GPC6: variants seen among roughly 807,000 people sequenced by gnomAD.
GPC6 encodes glypican-6.
Under a neutral mutation model 55.2 loss-of-function variants are expected in GPC6, and 14 were observed. The observed-to-expected ratio is 0.25, with a 90% confidence interval of 0.17 to 0.40. GPC6 has a LOEUF of 0.40. Ranked by LOEUF, GPC6 falls within the 10% of genes least tolerant of loss-of-function variation. The probability of loss-of-function intolerance (pLI) is 1.00; values close to 1 mark genes in which losing one functional copy is unlikely to be tolerated. For missense variants in GPC6, 641 were observed against 708.5 expected, an observed-to-expected ratio of 0.90 and a Z score of 1.08; for synonymous variants, 278 against 259.6, an observed-to-expected ratio of 1.07 and a Z score of -0.68.
At chr13:93,946,013 G>A (rs901979375) in intron 3 of GPC6, among the ~76,000 whole-genome samples, 2 of 152,066 alleles carry the variant, frequency 1.3e-5, no homozygotes, top group African/African-American at 4.8e-5. Context: ...AAGTGAATCT[G>A]CATTAATAAC....
Position 93,917,722 on chromosome 13 carries a change from G to A in GPC6, c.711+87177G>A, listed in dbSNP as rs537089430. ...GCCTGGCTTTGGAATGAAAGGTGTG[G>A]GTGCGACCCCAGCCACATGAGAACC... On this transcript the variant is annotated intron_variant, in intron 3 of 8. Transcript: ENST00000377047. 1.4e-4 allele frequency among the ~76,000 whole-genome samples: 21 copies of A among 152,284 alleles called. 1 individual carries two copies. The South Asian group carries it at 2.9e-3, about 21-fold the overall frequency.
intron 2 of GPC6, among the ~76,000 whole-genome samples, chr13:93,611,443 A>C (rs957272718): frequency 2.0e-5 from 3 of 152,178 alleles, no homozygotes; most frequent in African/African-American, 7.2e-5. Context: ...TATTTTCCAT[A>C]TTGTAGTACA....
At chr13:93,532,494 T>G (rs1881905938) in intron 1 of GPC6, among the ~76,000 whole-genome samples, 2 of 152,128 alleles carry the variant, frequency 1.3e-5, no homozygotes, top group African/African-American at 4.8e-5. Flanking sequence ...AATAACCAAG[T>G]AATTTACAAG....
At chr13:93,783,755 C>T (rs953856033) in intron 2 of GPC6, among the ~76,000 whole-genome samples, 1 of 152,194 alleles carries the variant, frequency 6.6e-6, no homozygotes, top group Non-Finnish European at 1.5e-5. Flanking sequence ...GCAGCCTACA[C>T]TGCAGTCTAC....
At chr13:93,478,170 G>A (rs1490978149) in intron 1 of GPC6, among the ~76,000 whole-genome samples, 1 of 152,152 alleles carries the variant, frequency 6.6e-6, no homozygotes, top group African/African-American at 2.4e-5. Flanking sequence ...AGAAATGTTA[G>A]ATGCCCAGGC....
intron 2 of GPC6, among the ~76,000 whole-genome samples, chr13:93,814,317 T>A (rs1886783313): frequency 6.6e-6 from 1 of 152,200 alleles, no homozygotes; most frequent in South Asian, 2.1e-4. Flanking sequence ...AAGCATGTTT[T>A]AATTATTGAT....
chr13:93,373,817 TAAAG>T (rs1874774278), intron 1 of GPC6, among the ~76,000 whole-genome samples: 1 of 152,196 alleles, frequency 6.6e-6, no homozygotes, highest in Non-Finnish European at 1.5e-5. Flanking sequence ...TGATGTTAAA[TAAAG>T]AAATCATTTT....
chr13:94,267,542 T>A (rs1250946859), intron 4 of GPC6, among the ~76,000 whole-genome samples: 1 of 152,196 alleles, frequency 6.6e-6, no homozygotes, highest in Non-Finnish European at 1.5e-5. Flanking sequence ...AATAGTCTAG[T>A]GTCAGTATAG....
At chr13:94,067,309 C>A (rs983972747) in intron 4 of GPC6, among the ~76,000 whole-genome samples, 2 of 152,094 alleles carry the variant, frequency 1.3e-5, no homozygotes, top group Non-Finnish European at 2.9e-5. Context: ...TGTTTTACTG[C>A]TGAGGAAAAG....
intron 4 of GPC6, among the ~76,000 whole-genome samples, chr13:94,207,434 G>A (rs1027161431): frequency 1.3e-5 from 2 of 152,136 alleles, no homozygotes; most frequent in African/African-American, 4.8e-5. Flanking sequence ...GAGGTTCATA[G>A]GCTGTTAAGT....
At chr13:94,024,353 T>C (rs1042128442) in intron 3 of GPC6, among the ~76,000 whole-genome samples, 10 of 152,172 alleles carry the variant, frequency 6.6e-5, no homozygotes, top group African/African-American at 2.4e-4. Flanking sequence ...AGAGTATCTA[T>C]TGTGCAATTA....
intron 2 of GPC6, among the ~76,000 whole-genome samples, chr13:93,650,337 G>A (rs1030681240): frequency 1.3e-5 from 2 of 152,050 alleles, no homozygotes; most frequent in Non-Finnish European, 2.9e-5. Flanking sequence ...CTCTTGAAAG[G>A]AACTGGGTTT....
intron 5 of GPC6, among the ~76,000 whole-genome samples, chr13:94,288,493 C>T (rs958645908): frequency 6.6e-6 from 1 of 151,732 alleles, no homozygotes; most frequent in Non-Finnish European, 1.5e-5. Context: ...GAATAAAACT[C>T]CTGCAAGCTC....
intron 1 of GPC6, among the ~76,000 whole-genome samples, chr13:93,335,410 G>A (rs956293531): frequency 3.9e-5 from 6 of 152,130 alleles, no homozygotes; most frequent in African/African-American, 1.4e-4. Flanking sequence ...CAAGGCAAAC[G>A]TGTTACCATC....
intron 2 of GPC6, among the ~76,000 whole-genome samples, chr13:93,576,579 T>A (rs1420530523): frequency 6.6e-6 from 1 of 152,182 alleles, no homozygotes; most frequent in Non-Finnish European, 1.5e-5. Context: ...CTTGGTTGAT[T>A]GAAATTTGCC....
At chr13:94,019,309 A>G (rs1882609911) in intron 3 of GPC6, among the ~76,000 whole-genome samples, 1 of 151,690 alleles carries the variant, frequency 6.6e-6, no homozygotes, top group Non-Finnish European at 1.5e-5. Context: ...CTTTCCAGGG[A>G]TTTTTTGTAT....
At chr13:93,284,998 G>A (rs898330891) in intron 1 of GPC6, among the ~76,000 whole-genome samples, 1 of 152,094 alleles carries the variant, frequency 6.6e-6, no homozygotes, top group Admixed American at 6.6e-5. Flanking sequence ...AGAAGGAGAA[G>A]CTTCAAGGCA....
intron 2 of GPC6, among the ~76,000 whole-genome samples, chr13:93,653,354 A>G (rs1482890153): frequency 1.3e-5 from 2 of 152,194 alleles, no homozygotes; most frequent in Non-Finnish European, 2.9e-5. Flanking sequence ...TCCTTAAATA[A>G]GGATATGCAT....
chr13:93,373,617 A>G (rs1009849957), intron 1 of GPC6, among the ~76,000 whole-genome samples: 15 of 152,154 alleles, frequency 9.9e-5, no homozygotes, highest in African/African-American at 3.6e-4. Context: ...CTGTGGTGAT[A>G]CTCTGTAAAG....
Sources: allele counts gnomAD v4.1 joint callset (sites outside exome capture counted in the v4.1 genomes callset), GRCh38; gene constraint gnomAD v4.1.1; transcripts MANE v1.5; gene names NCBI Gene and HGNC (gene_info 2026-07-23, HGNC 2026-07-21).